CR1L: variants seen among roughly 807,000 people sequenced by gnomAD.
The protein encoded by CR1L is complement C3b/C4b receptor 1 like.
In CR1L, 59 loss-of-function variants were observed where a neutral mutation model predicts 62.3. The observed-to-expected ratio is 0.95, with a 90% CI of 0.77 to 1.18. CR1L has a LOEUF of 1.18. Ranked by LOEUF, CR1L falls within the 50% of genes most tolerant of loss-of-function variation. The pLI is 0.00. For missense variants in CR1L, 700 were observed against 702.8 expected, an observed-to-expected ratio of 1.00 and a Z score of 0.04; for synonymous variants, 279 against 248.7, an observed-to-expected ratio of 1.12 and a Z score of -1.15.
chr1:207,703,624 G>T (rs371229357), intron 9 of CR1L, among the ~76,000 whole-genome samples: 1 of 152,244 alleles, frequency 6.6e-6, no homozygotes, highest in Admixed American at 6.5e-5. Flanking sequence ...CAGCCATTCT[G>T]CAGCCCATGG....
intron 10 of CR1L, among the ~76,000 whole-genome samples, chr1:207,715,624 G>A (rs1301701446): frequency 6.6e-6 from 1 of 152,132 alleles, no homozygotes; most frequent in African/African-American, 2.4e-5. Context: ...GGAATGTGTG[G>A]CAAGAAACTA....
Position 207,661,892 on chromosome 1 carries a change from C to T in CR1L, c.98-15497C>T, listed in dbSNP as rs1408202383. 2.6e-5 allele frequency among the ~76,000 whole-genome samples: 4 copies of T among 152,220 alleles called. No individual in the cohort carries two copies. In the East Asian group the frequency reaches 7.7e-4, roughly 29 times the overall value. The stretch of plus-strand genomic sequence containing the variant: ...CTTGTCTGTAAAGTATTTTATTTCT[C>T]CTTCACTTATGAAGCTTAGTTTGGC... On this transcript the variant is annotated intron_variant, in intron 1 of 11. Transcript: ENST00000508064.
chr1:207,648,477 G>C (rs770542854), intron 1 of CR1L, among the ~76,000 whole-genome samples: 1 of 152,142 alleles, frequency 6.6e-6, no homozygotes, highest in African/African-American at 2.4e-5. Context: ...TTCAATTTTT[G>C]GAGCAACTCA....
At chr1:207,703,283 A>C (rs571180269) in intron 9 of CR1L, among the ~76,000 whole-genome samples, 23 of 152,200 alleles carry the variant, frequency 1.5e-4, no homozygotes, top group Non-Finnish European at 2.8e-4. Context: ...GCTTCAAAGG[A>C]TAGGCTGCCT....
At chr1:207,666,338 C>T (rs905949334) in intron 1 of CR1L, among the ~76,000 whole-genome samples, 2 of 152,176 alleles carry the variant, frequency 1.3e-5, no homozygotes, top group Non-Finnish European at 2.9e-5. Context: ...CAAAAAACAG[C>T]TCTGAGAAGG....
chr1:207,645,323 C>T lies in CR1L; in HGVS notation c.90C>T (p.Ser30=). Residue 30 remains serine (S), a synonymous_variant, in exon 1 of 12, where the codon TCC becomes TCT. Transcript: ENST00000508064. ...LLAALVLLLS[S]FSDQCNVPEW... ...CGGCCCTGGTGTTGCTGCTGTCCTC[C>T]TTCTCCGGTAGGACCCCGGGGTGGA... is the stretch of plus-strand genomic sequence containing the variant. 1.2e-6 allele frequency: 2 copies of T among 1,614,072 alleles called. No individual in the cohort carries two copies. The highest frequency in any genetic ancestry group is 1.1e-5 in the South Asian group (1 of 91,084).
At chr1:207,663,243 G>T (rs1663453866) in intron 1 of CR1L, among the ~76,000 whole-genome samples, 1 of 152,226 alleles carries the variant, frequency 6.6e-6, no homozygotes, top group African/African-American at 2.4e-5. Flanking sequence ...GCCCCCAGAG[G>T]TGGAGCCTAC....
chr1:207,713,728 T>C (rs1653895204), intron 10 of CR1L, among the ~76,000 whole-genome samples: 1 of 152,250 alleles, frequency 6.6e-6, no homozygotes, highest in Admixed American at 6.5e-5. Flanking sequence ...AGGGAATGTG[T>C]TGGTGCCCAA....
intron 10 of CR1L, among the ~76,000 whole-genome samples, chr1:207,712,781 T>A (rs146769236): frequency 2.0e-5 from 3 of 152,324 alleles, no homozygotes; most frequent in African/African-American, 7.2e-5. Flanking sequence ...CTGTGATGAC[T>A]TCCTGGGCCA....
intron 7 of CR1L, 38 bp downstream of exon 7, chr1:207,697,911 T>C (rs1378547242): frequency 1.9e-6 from 3 of 1,612,942 alleles, no homozygotes; most frequent in Non-Finnish European, 2.5e-6. Context: ...GACATTGAAA[T>C]TGGGGTTAGG....
At chr1:207,687,936 A>C (rs1246306640) in intron 4 of CR1L, among the ~76,000 whole-genome samples, 1 of 151,948 alleles carries the variant, frequency 6.6e-6, no homozygotes, top group Non-Finnish European at 1.5e-5. Context: ...AATAATATTC[A>C]ATTTATGGGT....
Position 207,694,241 on chromosome 1 carries a change from C to T in CR1L, c.464-112C>T, listed in dbSNP as rs184122291. On this transcript the variant is annotated intron_variant, in intron 4 of 11. Transcript: ENST00000508064. ...TTACAACTTTGTAAAAATGTACCTA[C>T]GTGTTAGCAAAGAATAAAAGCAAAT... 2.9e-4 allele frequency: 377 copies of T among 1,317,556 alleles called. 2 individuals are homozygous for T. The Admixed American group carries it at 3.5e-3, about 12-fold the overall frequency. The allele number at this position is 1,317,556 out of a possible 1,614,324, so 81.6% of individuals were successfully genotyped here.
At chr1:207,655,522 G>A (rs1348955743) in intron 1 of CR1L, among the ~76,000 whole-genome samples, 3 of 152,054 alleles carry the variant, frequency 2.0e-5, no homozygotes, top group Non-Finnish European at 2.9e-5. Flanking sequence ...TCCCAGGCTG[G>A]AGCACAGTGG....
intron 1 of CR1L, chr1:207,659,095 G>C (rs1663365505): frequency 6.6e-6 from 1 of 152,618 alleles, no homozygotes; most frequent in Admixed American, 6.5e-5. Context: ...ATTGCAGTCT[G>C]ACCTGGGCAA....
chr1:207,699,060 C>T (rs35675400), intron 7 of CR1L, 129 bp from the exon 8 acceptor site: 17,696 of 1,135,942 alleles, frequency 0.016, 225 homozygotes, highest in Non-Finnish European at 0.02. Context: ...AATAACGTAG[C>T]CTGTGCAACT....
At chr1:207,715,025 TG>T (rs1052758341) in intron 10 of CR1L, among the ~76,000 whole-genome samples, 4 of 152,226 alleles carry the variant, frequency 2.6e-5, no homozygotes, top group African/African-American at 9.6e-5. Flanking sequence ...TCATGCCTTC[TG>T]TAGGTGATGC....
intron 9 of CR1L, among the ~76,000 whole-genome samples, chr1:207,705,613 A>G (rs1179062452): frequency 6.6e-6 from 1 of 152,250 alleles, no homozygotes; most frequent in Non-Finnish European, 1.5e-5. Context: ...CTGACAAAAT[A>G]AAATTGGAAT....
intron 4 of CR1L, 94 bp downstream of exon 4, chr1:207,684,051 T>A (rs11590898): frequency 0.046 from 54,989 of 1,195,436 alleles, 1,548 homozygotes; most frequent in South Asian, 0.097. Context: ...TTCTGTGCAA[T>A]CTGTACTTCA....
rs906181815 is a variant in CR1L at position 207,717,556 on chromosome 1, A to G, written c.1507A>G (p.Thr503Ala). Residue 503 changes from threonine (T) to alanine (A), a missense_variant, in exon 11 of 12, where the codon ACA (threonine) becomes GCA (alanine). Transcript: ENST00000508064. ...TCCCTATGGAAAAGAAGTATCTTACACATGTGACCCCCACCCAGACAGAGG... is the reference window on the plus strand; with the variant it reads ...TCCCTATGGAAAAGAAGTATCTTACGCATGTGACCCCCACCCAGACAGAGG... ...DIPYGKEVSY[T>A]CDPHPDRGMT... 53 of 1,613,744 alleles carry G rather than the reference A, an allele frequency of 3.3e-5. No homozygotes were observed. The African/African-American group carries it at 6.3e-4, about 19-fold the overall frequency.
Sources: gnomAD v4.1 joint callset for allele counts (sites outside exome capture counted in the v4.1 genomes callset) on GRCh38, gnomAD v4.1.1 for gene constraint, MANE v1.5 for transcripts, NCBI Gene and HGNC (gene_info 2026-07-23, HGNC 2026-07-21) for gene names.